NFX1: variants seen among roughly 807,000 people sequenced by gnomAD.
The protein encoded by NFX1 is nuclear transcription factor, X-box binding 1, also known as transcriptional repressor NF-X1.
A neutral mutation model predicts 137.2 loss-of-function variants in NFX1; 69 were observed. That is an observed-to-expected ratio of 0.50 (90% CI 0.41 to 0.61). The LOEUF (loss-of-function observed/expected upper bound fraction) is 0.61, where lower values mean the gene tolerates loss of function less well. Among genes scored for constraint, NFX1 ranks in the 20% least tolerant of loss-of-function variants. The pLI is 0.00. For synonymous variants in NFX1, 495 were observed against 474.1 expected (o/e 1.04, Z -0.57); for missense variants, 1,167 against 1,391.0 (o/e 0.84, Z 2.56).
At chr9:33,325,069 T>G (rs934989399) in intron 9 of NFX1, among the ~76,000 whole-genome samples, 1 of 150,264 alleles carries the variant, frequency 6.7e-6, no homozygotes, top group Non-Finnish European at 1.5e-5. Flanking sequence ...AGGAGGAGAG[T>G]AGAAAGAAGT....
chr9:33,353,992 G>A, intron 17 of NFX1, 94 bp from the exon 18 acceptor site: 2 of 1,190,514 alleles, frequency 1.7e-6, no homozygotes, highest in Non-Finnish European at 2.3e-6. Context: ...ACCTGGCCTA[G>A]ATTTGCTTTT....
At chr9:33,308,376 C>T (rs553249146) in intron 5 of NFX1, among the ~76,000 whole-genome samples, 7 of 152,048 alleles carry the variant, frequency 4.6e-5, no homozygotes, top group Non-Finnish European at 7.4e-5. Flanking sequence ...CAGGAGTTCA[C>T]GGCTGCAGTG....
chr9:33,349,191 T>A (rs1823545385), intron 15 of NFX1, among the ~76,000 whole-genome samples: 1 of 152,182 alleles, frequency 6.6e-6, no homozygotes, highest in Non-Finnish European at 1.5e-5. Context: ...CAGGCTAGGT[T>A]TGGGTGCTTT....
Position 33,313,782 on chromosome 9 carries a change from T to G in NFX1, c.1577T>G (p.Ile526Ser). 1 of 1,613,826 alleles carries G rather than the reference T, an allele frequency of 6.2e-7. No individual in the cohort carries two copies. The highest frequency in any genetic ancestry group is 8.5e-7 in the Non-Finnish European group (1 of 1,179,856). Reference sequence around the variant, plus strand: ...GGTCAGTGCCAGCCTTGCCAGATCATTTTGAACCAGGGTAAGTGGTGGGCA... The same window carrying G: ...GGTCAGTGCCAGCCTTGCCAGATCAGTTTGAACCAGGGTAAGTGGTGGGCA... ...HGGQCQPCQI[I>S]LNQVCYCGST... The change falls in exon 7 of 24, where the codon ATT (isoleucine) becomes AGT (serine). Residue 526 changes from isoleucine to serine, a missense_variant. Physicochemically the swap from Ile to Ser is moderately radical, Grantham distance 142 (BLOSUM62 -2). Transcript: ENST00000379540.
intron 7 of NFX1, among the ~76,000 whole-genome samples, chr9:33,314,109 G>T (rs1308993343): frequency 6.6e-6 from 1 of 151,714 alleles, no homozygotes; most frequent in African/African-American, 2.4e-5. Flanking sequence ...TCAGCCTCCC[G>T]AGTAGCTGGG....
chr9:33,290,724 T>C, intron 1 of NFX1, 127 bp downstream of exon 1: 1 of 894,108 alleles, frequency 1.1e-6, no homozygotes, highest in Non-Finnish European at 1.7e-6. Flanking sequence ...GGATAGTGGC[T>C]CGGAAGGGCC....
intron 9 of NFX1, among the ~76,000 whole-genome samples, chr9:33,327,147 T>G (rs1822623912): frequency 6.6e-6 from 1 of 152,168 alleles, no homozygotes; most frequent in Non-Finnish European, 1.5e-5. Flanking sequence ...ACAGTAACAT[T>G]AAATGTGAAT....
chr9:33,313,733 C>A lies in NFX1; in HGVS notation c.1528C>A (p.Gln510Lys). 6.2e-7 allele frequency: 1 copy of A among 1,613,366 alleles called. No homozygotes were observed. Among genetic ancestry groups the A allele is most frequent in the Non-Finnish European group, 8.5e-7 (1 of 1,179,290 alleles). ...CENILNCGQHQCAELCHGGQC... is the reference protein window; with the variant it reads ...CENILNCGQHKCAELCHGGQC... ...GAATATTTTGAACTGTGGTCAGCAC[C>A]AGTGTGCTGAGCTGTGCCATGGGGG... Residue 510 changes from glutamine to lysine, a missense_variant, in exon 7 of 24, where the codon CAG becomes AAG. Coordinates refer to ENST00000379540, the MANE Select transcript of NFX1 (RefSeq NM_002504.6).
chr9:33,352,876 C>T, intron 17 of NFX1, 157 bp downstream of exon 17: 1 of 607,822 alleles, frequency 1.6e-6, no homozygotes, highest in South Asian at 2.0e-5. Context: ...TGCACAGATA[C>T]ATGTGTTTAT....
intron 11 of NFX1, among the ~76,000 whole-genome samples, chr9:33,334,426 A>G (rs916860849): frequency 3.3e-5 from 5 of 152,208 alleles, no homozygotes; most frequent in African/African-American, 9.7e-5. Flanking sequence ...ATTGCACTCT[A>G]TCCTGGTGAC....
At chr9:33,364,836 C>G in intron 21 of NFX1, 62 bp downstream of exon 21, 1 of 1,587,544 alleles carries the variant, frequency 6.3e-7, no homozygotes, top group African/African-American at 1.4e-5. Flanking sequence ...AAAAAAAAAG[C>G]AATCAAGTCC....
At chr9:33,303,558 C>T (rs1270249648) in intron 4 of NFX1, among the ~76,000 whole-genome samples, 1 of 152,164 alleles carries the variant, frequency 6.6e-6, no homozygotes, top group African/African-American at 2.4e-5. Flanking sequence ...TAGGTGTGGA[C>T]GTGGGCTTCA....
At chr9:33,309,224 G>A (rs1212886157) in intron 5 of NFX1, among the ~76,000 whole-genome samples, 1 of 152,030 alleles carries the variant, frequency 6.6e-6, no homozygotes, top group Non-Finnish European at 1.5e-5. Flanking sequence ...GGGTGTGGTG[G>A]TGGGCACCTG....
rs563038013 is a variant in NFX1, at chr9:33,311,287, T to G, written c.1448+110T>G. 95 of 986,856 alleles carry G rather than the reference T, an allele frequency of 9.6e-5. 1 individual carries two copies. The South Asian group carries it at 1.3e-3, about 14-fold the overall frequency. The allele number at this position is 986,856 out of a possible 1,614,324, so 61.1% of individuals were successfully genotyped here. A position where few individuals can be genotyped will look rare whatever the true frequency, so the allele number is the denominator to read the frequency against. On this transcript the variant is annotated intron_variant, in intron 6 of 23. Transcript: ENST00000379540. ...GGTAGATACAAATAAATGGTAGGCATGAATAGTACTTTTTTTTTTTCAGGA... is the reference window on the plus strand; with the variant it reads ...GGTAGATACAAATAAATGGTAGGCAGGAATAGTACTTTTTTTTTTTCAGGA...
At chr9:33,342,003 C>T (rs940557101) in intron 12 of NFX1, among the ~76,000 whole-genome samples, 4 of 151,818 alleles carry the variant, frequency 2.6e-5, no homozygotes, top group African/African-American at 7.3e-5. Context: ...GTAATCCCAG[C>T]TACTCAGGAG....
chr9:33,338,951 C>T (rs1477483273), intron 12 of NFX1, among the ~76,000 whole-genome samples: 2 of 152,116 alleles, frequency 1.3e-5, no homozygotes, highest in Non-Finnish European at 2.9e-5. Flanking sequence ...ACTTGGGCTT[C>T]AGGTTTCATG....
intron 4 of NFX1, among the ~76,000 whole-genome samples, chr9:33,304,987 T>C (rs935551026): frequency 6.6e-6 from 1 of 152,212 alleles, no homozygotes; most frequent in Admixed American, 6.5e-5. Context: ...CAAGATGATC[T>C]GAAAGTGGTA....
At chr9:33,337,260 A>G (rs942204267) in intron 11 of NFX1, among the ~76,000 whole-genome samples, 1 of 152,240 alleles carries the variant, frequency 6.6e-6, no homozygotes. Flanking sequence ...CTGAACATGT[A>G]CAAAATTTTT....
chr9:33,324,984 A>G (rs1050719458), intron 9 of NFX1, among the ~76,000 whole-genome samples: 3 of 152,152 alleles, frequency 2.0e-5, no homozygotes, highest in Admixed American at 2.0e-4. Flanking sequence ...AGAAAATATA[A>G]TGAAGAGAAA....
Sources: gnomAD v4.1 joint callset for allele counts (sites outside exome capture counted in the v4.1 genomes callset) on GRCh38, gnomAD v4.1.1 for gene constraint, MANE v1.5 for transcripts, NCBI Gene and HGNC (gene_info 2026-07-23, HGNC 2026-07-21) for gene names.